MACC1: variants seen among roughly 807,000 people sequenced by gnomAD.
MACC1 encodes metastasis-associated in colon cancer protein 1.
Under a neutral mutation model 70.7 loss-of-function variants are expected in MACC1, and 79 were observed. The ratio of observed to expected loss-of-function variants is 1.12; its 90% CI spans 0.93 to 1.35. MACC1 has a LOEUF of 1.35. Ranked by LOEUF, MACC1 falls within the 40% of genes most tolerant of loss-of-function variation. The pLI is 0.00. For missense variants in MACC1, 1,106 were observed against 978.1 expected, an observed-to-expected ratio of 1.13 and a Z score of -1.74; for synonymous variants, 361 against 347.2, an observed-to-expected ratio of 1.04 and a Z score of -0.44.
chr7:20,190,499 T>A (rs574434145), intron 1 of MACC1, among the ~76,000 whole-genome samples: 3 of 152,336 alleles, frequency 2.0e-5, no homozygotes, highest in African/African-American at 7.2e-5. Flanking sequence ...AATGAATATA[T>A]GAGCCAAGGC....
At chr7:20,162,736 A>C (rs1045068183) in intron 3 of MACC1, among the ~76,000 whole-genome samples, 1 of 152,186 alleles carries the variant, frequency 6.6e-6, no homozygotes, top group Admixed American at 6.5e-5. Context: ...ATGCTAAAAA[A>C]ATATTACATT....
chr7:20,155,421 C>T (rs780132175), intron 5 of MACC1, among the ~76,000 whole-genome samples: 22 of 152,086 alleles, frequency 1.4e-4, no homozygotes, highest in East Asian at 1.9e-4. Context: ...TAAAATATAA[C>T]GATCATAACA....
In MACC1 at chr7:20,140,874, G is replaced by GAC. The variant is rs1368887005; in HGVS notation, c.*70_*71dup. 4.8e-5 allele frequency: 51 copies of GAC among 1,051,598 alleles called. No homozygotes were observed. The highest frequency in any genetic ancestry group is 1.1e-4 in the East Asian group (4 of 37,322). The allele number at this position is 1,051,598 out of a possible 1,614,324, so 65.1% of individuals were successfully genotyped here. On this transcript the variant is annotated 3_prime_UTR_variant, in exon 7 of 7. Coordinates refer to ENST00000400331, the MANE Select transcript of MACC1 (RefSeq NM_182762.4). ...ACACAGACACACAGAGACACACACA[G>GAC]ACACACACAGACACACACACACACA...
intron 1 of MACC1, among the ~76,000 whole-genome samples, chr7:20,172,483 G>A (rs1383266665): frequency 3.3e-5 from 5 of 151,676 alleles, no homozygotes; most frequent in African/African-American, 7.3e-5. Flanking sequence ...ATATATATAC[G>A]CACATATATA....
rs1189654035 is a variant in MACC1 at position 20,159,934 on chromosome 7, G to A, written c.427C>T (p.Leu143Phe). The change falls in exon 5 of 7, where the codon CTT becomes TTT. Residue 143 changes from leucine (L) to phenylalanine (F), a missense_variant. Transcript: ENST00000400331. Reference protein sequence around the residue: ...NSGRSKSVSELLDILDDTAHA... With the variant: ...NSGRSKSVSEFLDILDDTAHA... ...GCTGTGTCGTCTAAAATGTCCAGAA[G>A]TTCTGAAACACTTTTAGATCTTCCA... is the stretch of plus-strand genomic sequence containing the variant. 1 of 1,614,026 alleles carries A rather than the reference G, an allele frequency of 6.2e-7. No individual in the cohort carries two copies. Among genetic ancestry groups the A allele is most frequent in the Non-Finnish European group, 8.5e-7 (1 of 1,180,028 alleles).
At chr7:20,205,011 T>C (rs1782890585) in intron 1 of MACC1, among the ~76,000 whole-genome samples, 4 of 152,314 alleles carry the variant, frequency 2.6e-5, no homozygotes, top group African/African-American at 7.2e-5. Context: ...ACCATGGTTA[T>C]CAATGAGCAA....
At chr7:20,179,862 C>T (rs1016029051) in intron 1 of MACC1, among the ~76,000 whole-genome samples, 8 of 152,190 alleles carry the variant, frequency 5.3e-5, no homozygotes, top group Non-Finnish European at 1.2e-4. Context: ...TGCTTTCACA[C>T]ACAAAGTGTG....
intron 1 of MACC1, among the ~76,000 whole-genome samples, chr7:20,194,369 T>C (rs548797885): frequency 1.1e-4 from 17 of 152,314 alleles, no homozygotes; most frequent in Non-Finnish European, 2.1e-4. Context: ...ACTCCAAACA[T>C]AGAAAACATG....
chr7:20,139,495 T>A lies in MACC1; in HGVS notation c.*1451A>T, dbSNP rs1232719785. 1 of 152,254 alleles carries A rather than the reference T, an allele frequency of 6.6e-6. No individual in the cohort carries two copies. The highest frequency in any genetic ancestry group is 2.4e-5 in the African/African-American group (1 of 41,460). 9.4% of individuals were successfully genotyped at this position (152,254 alleles called of 1,614,324 possible). A position where few individuals can be genotyped will look rare whatever the true frequency, so the allele number is the denominator to read the frequency against. On this transcript the variant is annotated 3_prime_UTR_variant, in exon 7 of 7. Coordinates refer to ENST00000400331, the MANE Select transcript of MACC1 (RefSeq NM_182762.4). ...AACTGTTAGTATGCATGCCATTTTC[T>A]ATTTAACGGTGTCATTTTTTAAAAT...
intron 6 of MACC1, among the ~76,000 whole-genome samples, chr7:20,146,771 GT>G (rs1326348507): frequency 6.6e-6 from 1 of 152,108 alleles, no homozygotes; most frequent in Admixed American, 6.5e-5. Flanking sequence ...AGGAGGGCTT[GT>G]TTTTTAGTTG....
At chr7:20,158,154 T>G (rs763613625) in intron 5 of MACC1, 50 bp downstream of exon 5, 35 of 1,517,906 alleles carry the variant, frequency 2.3e-5, no homozygotes, top group Non-Finnish European at 3.0e-5. Context: ...TATTGTCAAG[T>G]TAATACAATT....
intron 1 of MACC1, among the ~76,000 whole-genome samples, chr7:20,214,845 T>G (rs1184968977): frequency 6.6e-6 from 1 of 152,240 alleles, no homozygotes; most frequent in African/African-American, 2.4e-5. Flanking sequence ...TCATTTAATG[T>G]GCGAAAGTTT....
intron 6 of MACC1, among the ~76,000 whole-genome samples, chr7:20,145,583 G>T (rs1167469799): frequency 6.6e-6 from 1 of 152,138 alleles, no homozygotes. Flanking sequence ...ATGGCAAGGG[G>T]ATTTGGATTT....
rs1272159279 is a variant in MACC1, at chr7:20,139,768, C to G, written c.*1178G>C. On this transcript the variant is annotated 3_prime_UTR_variant, in exon 7 of 7. Coordinates refer to ENST00000400331, the MANE Select transcript of MACC1 (RefSeq NM_182762.4). ...ATTAGCATTTATACTGACCCAGGGT[C>G]CTATACAATTTTTGTCCTATATAAT... 1 of 151,688 alleles carries G rather than the reference C, an allele frequency of 6.6e-6. No individual in the cohort carries two copies. Among genetic ancestry groups the G allele is most frequent in the Non-Finnish European group, 1.5e-5 (1 of 67,974 alleles). The allele number at this position is 151,688 out of a possible 1,614,324, so 9.4% of individuals were successfully genotyped here. A position where few individuals can be genotyped will look rare whatever the true frequency, so the allele number is the denominator to read the frequency against.
In MACC1 at chr7:20,160,003, G is replaced by A; in HGVS notation, c.358C>T (p.Leu120Phe). ...TGCCTAAGTAACTGATGCACATCAA[G>A]TTCATCACCGGAGGAATCAAAAGAA... ...GNSFDSSGDELDVHQLLRQTS... is the reference protein window; with the variant it reads ...GNSFDSSGDEFDVHQLLRQTS... Residue 120 changes from leucine (L) to phenylalanine (F), a missense_variant, in exon 5 of 7, where the codon CTT becomes TTT. Transcript: ENST00000400331. 6.2e-7 allele frequency: 1 copy of A among 1,613,720 alleles called. No homozygotes were observed. The highest frequency in any genetic ancestry group is 8.5e-7 in the Non-Finnish European group (1 of 1,179,874).
intron 6 of MACC1, among the ~76,000 whole-genome samples, chr7:20,151,281 C>A (rs1484019756): frequency 6.6e-6 from 1 of 152,086 alleles, no homozygotes; most frequent in Non-Finnish European, 1.5e-5. Context: ...AGCATGTCCC[C>A]TTGTAAAATT....
rs903010128 is a variant in MACC1 at position 20,137,802 on chromosome 7, T to C, written c.*3144A>G. On this transcript the variant is annotated 3_prime_UTR_variant, in exon 7 of 7. Transcript: ENST00000400331. ...ATAAAGTTCAGAAAAGTAGAAACTA[T>C]TTATTTAAAAATTAGAATATATTTA... 1 of 152,188 alleles carries C rather than the reference T, an allele frequency of 6.6e-6. No homozygotes were observed. Among genetic ancestry groups the C allele is most frequent in the Non-Finnish European group, 1.5e-5 (1 of 68,028 alleles). The allele number at this position is 152,188 out of a possible 1,614,324, so 9.4% of individuals were successfully genotyped here. A position where few individuals can be genotyped will look rare whatever the true frequency, so the allele number is the denominator to read the frequency against.
At chr7:20,164,533 G>A (rs773564300) in intron 2 of MACC1, 134 bp from the exon 3 acceptor site, 1 of 151,868 alleles carries the variant, frequency 6.6e-6, no homozygotes, top group Non-Finnish European at 1.5e-5. Context: ...TGTCTCATAA[G>A]GTGGCATGCT....
chr7:20,175,856 G>A (rs1159669278), intron 1 of MACC1, among the ~76,000 whole-genome samples: 1 of 152,006 alleles, frequency 6.6e-6, no homozygotes, highest in African/African-American at 2.4e-5. Context: ...CAATTCCTTA[G>A]AACTATTTGG....
Sources: gnomAD v4.1 joint callset for allele counts (sites outside exome capture counted in the v4.1 genomes callset) on GRCh38, gnomAD v4.1.1 for gene constraint, MANE v1.5 for transcripts, NCBI Gene and HGNC (gene_info 2026-07-23, HGNC 2026-07-21) for gene names.